WFIKKN1: variants seen among roughly 807,000 people sequenced by gnomAD.
WFIKKN1 encodes the protein WAP, follistatin/kazal, immunoglobulin, kunitz and netrin domain containing 1, also known as WAP, Kazal, immunoglobulin, Kunitz and NTR domain-containing protein 1.
Under a neutral mutation model 4.6 loss-of-function variants are expected in WFIKKN1, and 6 were observed. The observed-to-expected ratio is 1.31, with a 90% confidence interval of 0.72 to 2.59. The LOEUF is 2.59. Among genes scored for constraint, WFIKKN1 ranks in the 30% most tolerant of loss-of-function variants. WFIKKN1 has a pLI of 0.00. For missense variants in WFIKKN1, 964 were observed against 818.0 expected, an observed-to-expected ratio of 1.18 and a Z score of -2.18; for synonymous variants, 468 against 367.4, an observed-to-expected ratio of 1.27 and a Z score of -3.13.
In WFIKKN1 at chr16:633,324, C is replaced by T. The variant is rs544094050; in HGVS notation, c.914C>T (p.Ala305Val). The T allele has an allele frequency of 3.6e-5, 57 of 1,586,906 alleles. No homozygotes were observed. The highest frequency in any genetic ancestry group is 1.5e-4 in the Admixed American group (9 of 58,100). ...GCCGAGTGCCTGCCGGATGTGCAGG[C>T]CTGCACGGGCCCCACTTCCCCACAC... ...APAECLPDVQ[A>V]CTGPTSPHLV... Residue 305 changes from alanine to valine, a missense_variant, in exon 2 of 2, where the codon GCC becomes GTC. Physicochemically the swap from Ala to Val is moderately conservative, Grantham distance 64. Coordinates refer to ENST00000319070, the MANE Select transcript of WFIKKN1 (RefSeq NM_053284.3).
At position 631,344 on chromosome 16, in the gene WFIKKN1, G is replaced by A. The variant is rs962814893; in HGVS notation, c.91G>A (p.Gly31Ser). 2.9e-5 allele frequency: 46 copies of A among 1,607,186 alleles called. No homozygotes were observed. The highest frequency in any genetic ancestry group is 3.6e-5 in the Non-Finnish European group (43 of 1,179,464). The change falls in exon 1 of 2, where the codon GGC (glycine) becomes AGC (serine). Residue 31 changes from glycine (G) to serine (S), a missense_variant. By Grantham distance (56) the Gly-to-Ser change is moderately conservative. Coordinates refer to ENST00000319070, the MANE Select transcript of WFIKKN1 (RefSeq NM_053284.3). ...GCTGCCAGGGCTGGGGAGCCACCCG[G>A]GCGTGTGCCCCAACCAGCTCAGCCC... Reference protein sequence around the residue: ...GLLPGLGSHPGVCPNQLSPNL... With the variant: ...GLLPGLGSHPSVCPNQLSPNL...
Position 633,919 on chromosome 16 carries a change from C to T in WFIKKN1, c.1509C>T (p.Ile503=), listed in dbSNP as rs1434060660. ...NMTAGDGPLV[I]MGEVRDGVAV... ...CGGCGGGCGACGGGCCGCTGGTCAT[C>T]ATGGGTGAGGTGCGCGATGGCGTGG... Residue 503 remains isoleucine (I), a synonymous_variant, in exon 2 of 2, where the codon ATC becomes ATT. Transcript: ENST00000319070. The T allele has an allele frequency of 6.3e-7, 1 of 1,595,378 alleles. No homozygotes were observed. Among genetic ancestry groups the T allele is most frequent in the African/African-American group, 1.3e-5 (1 of 74,598 alleles).
At position 633,243 on chromosome 16, in the gene WFIKKN1, T is replaced by C. The variant is rs1567199204; in HGVS notation, c.833T>C (p.Leu278Pro). The C allele has an allele frequency of 6.3e-7, 1 of 1,586,462 alleles. No homozygotes were observed. The highest frequency in any genetic ancestry group is 2.3e-5 in the East Asian group (1 of 43,224). The change falls in exon 2 of 2, where the codon CTC (leucine) becomes CCC (proline). Residue 278 changes from leucine to proline, a missense_variant. Coordinates refer to ENST00000319070, the MANE Select transcript of WFIKKN1 (RefSeq NM_053284.3). ...GGGCTGCTGCGGGCTGACTTCCCAC[T>C]CTCTGTGGTCCAGCGAGAGCCGGCC... ...AAGLLRADFP[L>P]SVVQREPARD...
chr16:633,989 C>G lies in WFIKKN1; in HGVS notation c.1579C>G (p.Arg527Gly). Residue 527 changes from arginine (R) to glycine (G), a missense_variant, in exon 2 of 2, where the codon CGC (arginine) becomes GGC (glycine). Physicochemically the swap from Arg to Gly is moderately radical, Grantham distance 125. Transcript: ENST00000319070. ...GSYVRAASEKRVKKILELLEK... is the reference protein window; with the variant it reads ...GSYVRAASEKGVKKILELLEK... ...CTACGTCCGCGCCGCCAGCGAGAAG[C>G]GCGTCAAGAAGATCTTGGAGCTGCT... is the stretch of plus-strand genomic sequence containing the variant. 1.2e-6 allele frequency: 2 copies of G among 1,602,454 alleles called. No individual in the cohort carries two copies. The highest frequency in any genetic ancestry group is 1.7e-6 in the Non-Finnish European group (2 of 1,175,372).
At position 631,429 on chromosome 16, in the gene WFIKKN1, G is replaced by A; in HGVS notation, c.171+5G>A. 1 of 1,603,860 alleles carries A rather than the reference G, an allele frequency of 6.2e-7. No homozygotes were observed. Among genetic ancestry groups the A allele is most frequent in the Non-Finnish European group, 8.5e-7 (1 of 1,177,488 alleles). ...CGCGAGTGTAGCAGGGACCAGGTGA[G>A]TGTGGTCGGGCCGGGGTCCTGGGGC... On this transcript the variant is annotated splice_donor_5th_base_variant and intron_variant, in intron 1 of 1. Coordinates refer to ENST00000319070, the MANE Select transcript of WFIKKN1 (RefSeq NM_053284.3).
In WFIKKN1 at chr16:633,404, C is replaced by T. The variant is rs756404188; in HGVS notation, c.994C>T (p.Arg332Cys). The change falls in exon 2 of 2, where the codon CGT becomes TGT. Residue 332 changes from arginine to cysteine, a missense_variant. Transcript: ENST00000319070. ...GGGCGGCTGCATGACCTTCCCGGCC[C>T]GTGGCTGTGATGGGGCGGCCCGCGG... ...QRGGCMTFPA[R>C]GCDGAARGFE... 1.5e-5 allele frequency: 24 copies of T among 1,556,952 alleles called. No individual in the cohort carries two copies. The highest frequency in any genetic ancestry group is 1.3e-4 in the South Asian group (11 of 84,622).
chr16:631,458 G>C, intron 1 of WFIKKN1, 34 bp downstream of exon 1: 6 of 1,593,336 alleles, frequency 3.8e-6, no homozygotes, highest in Non-Finnish European at 5.1e-6. Flanking sequence ...CTGGGGCTCA[G>C]AGCAGCCAGC....
In WFIKKN1 at chr16:633,163, C is replaced by T; in HGVS notation, c.753C>T (p.Tyr251=). The change falls in exon 2 of 2, where the codon TAC becomes TAT. Residue 251 remains tyrosine, a synonymous_variant. Transcript: ENST00000319070. ...CCAGCATCGGGCAGCTGGTGCTCTA[C>T]AACGCGCGGCCCGAAGACGCCGGCC... ...VVTSIGQLVL[Y]NARPEDAGLY... is the part of the protein sequence containing the mutation. 6.2e-7 allele frequency: 1 copy of T among 1,600,482 alleles called. No individual in the cohort carries two copies. The highest frequency in any genetic ancestry group is 8.5e-7 in the Non-Finnish European group (1 of 1,171,690).
chr16:632,498 C>T, intron 1 of WFIKKN1, 84 bp from the exon 2 acceptor site: 1 of 1,389,244 alleles, frequency 7.2e-7, no homozygotes, highest in Non-Finnish European at 9.4e-7. Flanking sequence ...TGCTACCCCA[C>T]CTGGGCCTCC....
At position 633,264 on chromosome 16, in the gene WFIKKN1, C is replaced by T. The variant is rs1185624952; in HGVS notation, c.854C>T (p.Pro285Leu). Reference sequence around the variant, plus strand: ...CCACTCTCTGTGGTCCAGCGAGAGCCGGCCAGGGACGCAGCCCCCAGCATC... The same window carrying T: ...CCACTCTCTGTGGTCCAGCGAGAGCTGGCCAGGGACGCAGCCCCCAGCATC... ...DFPLSVVQRE[P>L]ARDAAPSIPA... The change falls in exon 2 of 2, where the codon CCG (proline) becomes CTG (leucine). Residue 285 changes from proline to leucine, a missense_variant. By Grantham distance (98) the Pro-to-Leu change is moderately conservative. Transcript: ENST00000319070. The T allele has an allele frequency of 9.5e-6, 15 of 1,582,254 alleles. No individual in the cohort carries two copies. The highest frequency in any genetic ancestry group is 5.3e-5 in the Admixed American group (3 of 56,080).
chr16:632,476 CG>C, intron 1 of WFIKKN1, 105 bp from the exon 2 acceptor site: 1 of 1,336,972 alleles, frequency 7.5e-7, no homozygotes, highest in African/African-American at 1.5e-5. Context: ...AGCCACAGAG[CG>C]GGGGGCTCCC....
rs1008899748 is a variant in WFIKKN1 at position 632,766 on chromosome 16, G to A, written c.356G>A (p.Arg119His). 44 of 1,606,844 alleles carry A rather than the reference G, an allele frequency of 2.7e-5. No homozygotes were observed. Among genetic ancestry groups the A allele is most frequent in the Non-Finnish European group, 3.6e-5 (42 of 1,176,780 alleles). Residue 119 changes from arginine to histidine, a missense_variant, in exon 2 of 2, where the codon CGC (arginine) becomes CAC (histidine). Arg to His is a conservative substitution (Grantham distance 29). Transcript: ENST00000319070. The part of the protein sequence containing the change: ...DGQPVCRCRD[R>H]CEKEPSFTCA... The stretch of plus-strand genomic sequence containing the variant: ...CAGCCCGTGTGCCGCTGCCGCGACC[G>A]CTGTGAGAAGGAGCCCAGCTTCACC...
In WFIKKN1 at chr16:634,012, G is replaced by A. The variant is rs768923124; in HGVS notation, c.1602G>A (p.Leu534=). 3 of 1,601,228 alleles carry A rather than the reference G, an allele frequency of 1.9e-6. No homozygotes were observed. The highest frequency in any genetic ancestry group is 2.3e-5 in the East Asian group (1 of 44,362). Reference sequence around the variant, plus strand: ...AGCGCGTCAAGAAGATCTTGGAGCTGCTGGAGAAGCAGGCCTGCGAGCTGC... The same window carrying A: ...AGCGCGTCAAGAAGATCTTGGAGCTACTGGAGAAGCAGGCCTGCGAGCTGC... The part of the protein sequence containing the change: ...SEKRVKKILE[L]LEKQACELLN... Residue 534 remains leucine (L), a synonymous_variant, in exon 2 of 2, where the codon CTG becomes CTA. Transcript: ENST00000319070.
chr16:631,406 CG>C lies in WFIKKN1; in HGVS notation c.154del (p.Glu52SerfsTer166). 1.9e-6 allele frequency: 3 copies of C among 1,609,488 alleles called. No homozygotes were observed. Among genetic ancestry groups the C allele is most frequent in the Non-Finnish European group, 2.5e-6 (3 of 1,179,312 alleles). ...WVDAQSTCER[E>X]CSRDQDCAAA... Reference sequence around the variant, plus strand: ...TGGACGCCCAGAGCACCTGTGAGCGCGAGTGTAGCAGGGACCAGGTGAGTGT... The same window carrying C: ...TGGACGCCCAGAGCACCTGTGAGCGCAGTGTAGCAGGGACCAGGTGAGTGT... On this transcript the variant is annotated frameshift_variant, in exon 1 of 2. Transcript: ENST00000319070. LOFTEE classifies it low-confidence loss of function (END_TRUNC).
At position 633,219 on chromosome 16, in the gene WFIKKN1, G is replaced by A; in HGVS notation, c.809G>A (p.Gly270Glu). 2 of 1,584,704 alleles carry A rather than the reference G, an allele frequency of 1.3e-6. No homozygotes were observed. The highest frequency in any genetic ancestry group is 8.6e-7 in the Non-Finnish European group (1 of 1,165,780). The change falls in exon 2 of 2, where the codon GGG (glycine) becomes GAG (glutamate). Residue 270 changes from glycine to glutamate, a missense_variant. Gly to Glu is a moderately conservative substitution (Grantham distance 98, BLOSUM62 -2). Coordinates refer to ENST00000319070, the MANE Select transcript of WFIKKN1 (RefSeq NM_053284.3). ...ACCTGCACCGCGCGCAACGCTGCTGGGCTGCTGCGGGCTGACTTCCCACTC... is the reference window on the plus strand; with the variant it reads ...ACCTGCACCGCGCGCAACGCTGCTGAGCTGCTGCGGGCTGACTTCCCACTC... ...LYTCTARNAA[G>E]LLRADFPLSV...
intron 1 of WFIKKN1, 124 bp downstream of exon 1, chr16:631,548 AG>A: frequency 8.2e-7 from 1 of 1,217,742 alleles, no homozygotes; most frequent in Non-Finnish European, 1.1e-6. Context: ...GGGCCCCTTA[AG>A]GGGCCCAGAG....
chr16:632,168 C>G, intron 1 of WFIKKN1: 1 of 173,428 alleles, frequency 5.8e-6, no homozygotes, highest in Non-Finnish European at 1.2e-5. Context: ...TCTCCTCCCA[C>G]CCTCTCCTTC....
rs773768921 is a variant in WFIKKN1, at chr16:632,801, G to C, written c.391G>C (p.Asp131His). The change falls in exon 2 of 2, where the codon GAC becomes CAC. Residue 131 changes from aspartate (D) to histidine (H), a missense_variant. Asp to His is a moderately conservative substitution (Grantham distance 81). Transcript: ENST00000319070. ...EKEPSFTCAS[D>H]GLTYYNRCYM... The stretch of plus-strand genomic sequence containing the variant: ...GGAGCCCAGCTTCACCTGCGCCTCG[G>C]ACGGCCTCACCTACTACAACCGCTG... 6.3e-7 allele frequency: 1 copy of C among 1,598,224 alleles called. No individual in the cohort carries two copies. Among genetic ancestry groups the C allele is most frequent in the South Asian group, 1.1e-5 (1 of 89,304 alleles).
Position 631,211 on chromosome 16 carries a change from G to A in WFIKKN1, c.-43G>A. The A allele has an allele frequency of 6.6e-7, 1 of 1,523,204 alleles. No individual in the cohort carries two copies. The highest frequency in any genetic ancestry group is 8.8e-7 in the Non-Finnish European group (1 of 1,141,102). The allele number at this position is 1,523,204 out of a possible 1,614,324, so 94.4% of individuals were successfully genotyped here. A position where few individuals can be genotyped will look rare whatever the true frequency, so the allele number is the denominator to read the frequency against. The stretch of plus-strand genomic sequence containing the variant: ...CTGGGCTCTGTGGAGCCCGAGGAGG[G>A]GCTGGTGGCCACACCCCCCGGCCCC... On this transcript the variant is annotated 5_prime_UTR_variant, in exon 1 of 2. Transcript: ENST00000319070.
Sources: allele counts gnomAD v4.1 joint callset, GRCh38; gene constraint gnomAD v4.1.1; transcripts MANE v1.5; gene names NCBI Gene and HGNC (gene_info 2026-07-23, HGNC 2026-07-21).